NRXN1: variants seen among roughly 807,000 people sequenced by gnomAD.
NRXN1 encodes the protein neurexin-1.
NRXN1 carries 39 observed loss-of-function variants against 150.9 expected under a neutral mutation model. The ratio of observed to expected loss-of-function variants is 0.26; its 90% CI spans 0.20 to 0.34. NRXN1 has a LOEUF of 0.34. NRXN1 is among the 10% of genes least tolerant of loss of function. The probability of loss-of-function intolerance (pLI) is 1.00; values close to 1 mark genes in which losing one functional copy is unlikely to be tolerated. For missense variants in NRXN1, 1,815 were observed against 1,949.9 expected, an observed-to-expected ratio of 0.93 and a Z score of 1.30; for synonymous variants, 924 against 757.0, an observed-to-expected ratio of 1.22 and a Z score of -3.62.
intron 19 of NRXN1, among the ~76,000 whole-genome samples, chr2:50,067,993 T>C (rs1695616245): frequency 6.6e-6 from 1 of 152,212 alleles, no homozygotes; most frequent in African/African-American, 2.4e-5. Context: ...AATATTCAAA[T>C]TGGTCCACGG....
chr2:50,955,455 A>C (rs1692128343), intron 2 of NRXN1, among the ~76,000 whole-genome samples: 1 of 152,228 alleles, frequency 6.6e-6, no homozygotes, highest in African/African-American at 2.4e-5. Context: ...AAAATTTTAA[A>C]GCAGGCTTTT....
intron 9 of NRXN1, among the ~76,000 whole-genome samples, chr2:50,543,029 T>C (rs557315014): frequency 6.9e-4 from 105 of 152,226 alleles, no homozygotes; most frequent in African/African-American, 2.4e-3. Context: ...TTGAAGACAA[T>C]TGAGTAGTTG....
chr2:50,799,129 A>G (rs1412226170), intron 5 of NRXN1, among the ~76,000 whole-genome samples: 1 of 152,198 alleles, frequency 6.6e-6, no homozygotes, highest in Non-Finnish European at 1.5e-5. Context: ...CATGAAAAAA[A>G]TAATATAAGC....
intron 18 of NRXN1, among the ~76,000 whole-genome samples, chr2:50,213,728 A>T (rs190011527): frequency 6.6e-6 from 1 of 151,890 alleles, no homozygotes; most frequent in Non-Finnish European, 1.5e-5. Flanking sequence ...TTGGACTCCT[A>T]ACCAAGAATT....
At chr2:50,965,602 A>T in intron 2 of NRXN1, among the ~76,000 whole-genome samples, 1 of 151,532 alleles carries the variant, frequency 6.6e-6, no homozygotes, top group East Asian at 1.9e-4. Context: ...AATGGTTTTT[A>T]AAAGTTTTGC....
chr2:50,941,543 T>A (rs567356934), intron 2 of NRXN1, among the ~76,000 whole-genome samples: 2 of 152,268 alleles, frequency 1.3e-5, no homozygotes, highest in African/African-American at 2.4e-5. Flanking sequence ...GGAGTAAAGG[T>A]CACTCTTGCT....
At chr2:50,995,173 A>G (rs1450589300) in intron 2 of NRXN1, among the ~76,000 whole-genome samples, 1 of 152,008 alleles carries the variant, frequency 6.6e-6, no homozygotes, top group East Asian at 1.9e-4. Flanking sequence ...GACATAATGA[A>G]CTGCCAAGCT....
intron 21 of NRXN1, among the ~76,000 whole-genome samples, chr2:49,977,065 C>G (rs1679116118): frequency 1.3e-5 from 2 of 152,040 alleles, no homozygotes; most frequent in South Asian, 2.1e-4. Context: ...CCAGAAGCAG[C>G]TTATGTTGTC....
intron 17 of NRXN1, among the ~76,000 whole-genome samples, chr2:50,288,722 G>A (rs1468532572): frequency 6.6e-6 from 1 of 152,062 alleles, no homozygotes; most frequent in Non-Finnish European, 1.5e-5. Context: ...AAAATCACGG[G>A]AAGGACATGT....
chr2:50,888,889 T>A (rs1435909836), intron 5 of NRXN1, among the ~76,000 whole-genome samples: 1 of 151,696 alleles, frequency 6.6e-6, no homozygotes, highest in African/African-American at 2.4e-5. Flanking sequence ...GATAACTACC[T>A]GTTCAAAGAT....
intron 22 of NRXN1, among the ~76,000 whole-genome samples, chr2:49,933,094 T>C (rs1230544581): frequency 6.6e-6 from 1 of 152,138 alleles, no homozygotes; most frequent in African/African-American, 2.4e-5. Flanking sequence ...TTTTTGTTTT[T>C]GTTTTTGTTT....
intron 5 of NRXN1, among the ~76,000 whole-genome samples, chr2:50,814,112 G>A (rs969900999): frequency 5.3e-5 from 8 of 152,186 alleles, no homozygotes; most frequent in Admixed American, 1.3e-4. Flanking sequence ...CAGCAGCCAC[G>A]CATTTCATCA....
chr2:50,561,673 G>C (rs1669101798), intron 8 of NRXN1, among the ~76,000 whole-genome samples: 1 of 152,158 alleles, frequency 6.6e-6, no homozygotes, highest in African/African-American at 2.4e-5. Context: ...GACAGAAAAG[G>C]AACTGGAGCT....
intron 21 of NRXN1, among the ~76,000 whole-genome samples, chr2:50,027,513 A>T (rs552112237): frequency 1.3e-5 from 2 of 151,718 alleles, no homozygotes; most frequent in Admixed American, 6.6e-5. Context: ...CACTCTCATG[A>T]CTCACTGGAG....
intron 17 of NRXN1, among the ~76,000 whole-genome samples, chr2:50,455,718 C>T (rs1438702846): frequency 6.6e-6 from 1 of 152,176 alleles, no homozygotes; most frequent in Admixed American, 6.6e-5. Context: ...ATGGACCCCA[C>T]AGTTTCAGCA....
In NRXN1 at chr2:50,212,299, C is replaced by CAAAA. The variant is rs10668763; in HGVS notation, c.3546+24486_3546+24489dup. On this transcript the variant is annotated intron_variant, in intron 18 of 22. Transcript: ENST00000401669. ...GTGAAAAAAATATGCTTTGAATTTG[C>CAAAA]AAAAAAAAAAAAAAAATGGGTTTGC... Among the ~76,000 whole-genome samples, 932 of 108,302 alleles carry CAAAA rather than the reference C, an allele frequency of 8.6e-3. 15 individuals carry two copies. The highest frequency in any genetic ancestry group is 0.05 in the East Asian group (172 of 3,472). 71.1% of individuals were successfully genotyped at this position (108,302 alleles called of 152,430 possible). A position where few individuals can be genotyped will look rare whatever the true frequency, so the allele number is the denominator to read the frequency against.
chr2:50,806,891 C>T (rs986268369), intron 5 of NRXN1, among the ~76,000 whole-genome samples: 1 of 151,982 alleles, frequency 6.6e-6, no homozygotes, highest in Admixed American at 6.6e-5. Flanking sequence ...GTTGTTAGCC[C>T]CTTGAAGGCA....
chr2:50,393,851 G>C (rs1444612908), intron 17 of NRXN1, among the ~76,000 whole-genome samples: 1 of 152,030 alleles, frequency 6.6e-6, no homozygotes, highest in African/African-American at 2.4e-5. Context: ...ATCACAGGCA[G>C]CAAATAAACC....
chr2:50,058,044 A>T (rs1322283960), intron 19 of NRXN1, among the ~76,000 whole-genome samples: 1 of 152,208 alleles, frequency 6.6e-6, no homozygotes, highest in African/African-American at 2.4e-5. Context: ...ATGACTTTTA[A>T]AAAGATCACA....
Sources: gnomAD v4.1 joint callset for allele counts (sites outside exome capture counted in the v4.1 genomes callset) on GRCh38, gnomAD v4.1.1 for gene constraint, MANE v1.5 for transcripts, NCBI Gene and HGNC (gene_info 2026-07-23, HGNC 2026-07-21) for gene names.